DENND6A: variants seen among roughly 807,000 people sequenced by gnomAD.
The protein encoded by DENND6A is DENN domain containing 6A, also known as protein DENND6A.
A neutral mutation model predicts 95.5 loss-of-function variants in DENND6A; 43 were observed. That is an observed-to-expected ratio of 0.45 (90% CI 0.35 to 0.58). DENND6A has a LOEUF of 0.58. DENND6A is among the 20% of genes least tolerant of loss of function. The pLI, the probability that DENND6A is intolerant of heterozygous loss-of-function variation, is 0.00. For synonymous variants in DENND6A, 257 were observed against 260.4 expected (o/e 0.99, Z 0.13); for missense variants, 574 against 736.0 (o/e 0.78, Z 2.55).
chr3:57,661,442 T>C lies in DENND6A; in HGVS notation c.619+4A>G. 1 of 1,559,286 alleles carries C rather than the reference T, an allele frequency of 6.4e-7. No individual in the cohort carries two copies. Among genetic ancestry groups the C allele is most frequent in the African/African-American group, 1.4e-5 (1 of 71,380 alleles). Reference sequence around the variant, plus strand: ...TCCTGCATAAAGGTATATGTTAAACTTACCTGCTTCCAAATAAGGTTCATT... The same window carrying C: ...TCCTGCATAAAGGTATATGTTAAACCTACCTGCTTCCAAATAAGGTTCATT... On this transcript the variant is annotated splice_donor_region_variant and intron_variant, in intron 6 of 19. Transcript: ENST00000311128.
Position 57,691,245 on chromosome 3 carries a change from A to G in DENND6A, c.237+1537T>C, listed in dbSNP as rs758725919. 3.9e-5 allele frequency among the ~76,000 whole-genome samples: 6 copies of G among 152,236 alleles called. No homozygotes were observed. In the South Asian group the frequency reaches 1.2e-3, roughly 32 times the overall value. On this transcript the variant is annotated intron_variant, in intron 1 of 19. Transcript: ENST00000311128. ...ACTTCAGGTTAACATGGCAAGGTGAATAATAAATGGCTTATAAATCTCTTA... is the reference window on the plus strand; with the variant it reads ...ACTTCAGGTTAACATGGCAAGGTGAGTAATAAATGGCTTATAAATCTCTTA...
At chr3:57,653,138 A>G (rs2071245201) in intron 9 of DENND6A, among the ~76,000 whole-genome samples, 1 of 152,212 alleles carries the variant, frequency 6.6e-6, no homozygotes, top group Non-Finnish European at 1.5e-5. Context: ...AGTCTTCTGT[A>G]TTGTACTTAC....
At chr3:57,653,396 T>C (rs1219536939) in intron 9 of DENND6A, among the ~76,000 whole-genome samples, 1 of 152,176 alleles carries the variant, frequency 6.6e-6, no homozygotes, top group Non-Finnish European at 1.5e-5. Flanking sequence ...GTTGTTTTTT[T>C]GGGTGGGAGG....
At chr3:57,637,535 T>A (rs1261869446) in intron 12 of DENND6A, among the ~76,000 whole-genome samples, 1 of 152,132 alleles carries the variant, frequency 6.6e-6, no homozygotes, top group African/African-American at 2.4e-5. Flanking sequence ...CTGCCAGATT[T>A]TTTTTTTCCT....
At chr3:57,670,995 T>A (rs971593467) in intron 3 of DENND6A, among the ~76,000 whole-genome samples, 1 of 152,088 alleles carries the variant, frequency 6.6e-6, no homozygotes, top group Non-Finnish European at 1.5e-5. Flanking sequence ...CATAAATGGG[T>A]CAAAAACACC....
Position 57,645,835 on chromosome 3 carries a change from A to G in DENND6A, c.942-79T>C. 3 of 1,021,146 alleles carry G rather than the reference A, an allele frequency of 2.9e-6. No individual in the cohort carries two copies. The South Asian group carries it at 4.3e-5, about 15-fold the overall frequency. The allele number at this position is 1,021,146 out of a possible 1,614,324, so 63.3% of individuals were successfully genotyped here. ...ATCTATAACTAGAAAACATCTATACAAACGGTATACACACAAAGGGATACT... is the reference window on the plus strand; with the variant it reads ...ATCTATAACTAGAAAACATCTATACGAACGGTATACACACAAAGGGATACT... On this transcript the variant is annotated intron_variant, in intron 10 of 19. Coordinates refer to ENST00000311128, the MANE Select transcript of DENND6A (RefSeq NM_152678.3).
intron 9 of DENND6A, among the ~76,000 whole-genome samples, chr3:57,653,003 T>C (rs1306983413): frequency 6.6e-6 from 1 of 152,218 alleles, no homozygotes; most frequent in Non-Finnish European, 1.5e-5. Flanking sequence ...TATTAACTTA[T>C]CAATGTTGAT....
rs1235456687 is a variant in DENND6A at position 57,646,455 on chromosome 3, A to G, written c.819-17T>C. The G allele has an allele frequency of 2.5e-6, 4 of 1,598,008 alleles. No homozygotes were observed. Among genetic ancestry groups the G allele is most frequent in the South Asian group, 2.3e-5 (2 of 88,138 alleles). ...CAGAAACACCTGAAAGGTGATGCAC[A>G]GTAGAAATACTTTTTAATGTAGCCA... is the stretch of plus-strand genomic sequence containing the variant. On this transcript the variant is annotated splice_polypyrimidine_tract_variant and intron_variant, in intron 9 of 19. Coordinates refer to ENST00000311128, the MANE Select transcript of DENND6A (RefSeq NM_152678.3).
intron 12 of DENND6A, among the ~76,000 whole-genome samples, chr3:57,635,562 A>G (rs1013809993): frequency 6.6e-6 from 1 of 152,222 alleles, no homozygotes; most frequent in African/African-American, 2.4e-5. Flanking sequence ...TCTAGAGATT[A>G]TATTATTATA....
chr3:57,638,431 G>C (rs997076315), intron 12 of DENND6A, among the ~76,000 whole-genome samples: 2 of 151,986 alleles, frequency 1.3e-5, no homozygotes, highest in Non-Finnish European at 2.9e-5. Context: ...GCCAAGGCGG[G>C]TGGATCACCT....
Position 57,692,780 on chromosome 3 carries a change from ACCT to A in DENND6A, c.236_237+1del, listed in dbSNP as rs1377559650. On this transcript the variant is annotated splice_donor_variant and coding_sequence_variant, in exon 1 of 20. Transcript: ENST00000311128. LOFTEE classifies it high-confidence loss of function. ...CCGAGAAAGGGCGGGGCCGGGCCTC[ACCT>A]CCACGGCCTGGCCCAGCTCCAGGTC... 6.6e-7 allele frequency: 1 copy of A among 1,510,486 alleles called. No homozygotes were observed. Among genetic ancestry groups the A allele is most frequent in the East Asian group, 2.8e-5 (1 of 35,716 alleles). 93.6% of individuals were successfully genotyped at this position (1,510,486 alleles called of 1,614,324 possible).
At chr3:57,666,933 T>C (rs567600504) in intron 3 of DENND6A, among the ~76,000 whole-genome samples, 1 of 152,378 alleles carries the variant, frequency 6.6e-6, no homozygotes, top group East Asian at 1.9e-4. Flanking sequence ...AGTTATGCTA[T>C]GAGCACCATA....
rs1028200250 is a variant in DENND6A, at chr3:57,626,527, T to G, written c.*1687A>C. 1 of 152,004 alleles carries G rather than the reference T, an allele frequency of 6.6e-6. No individual in the cohort carries two copies. Among genetic ancestry groups the G allele is most frequent in the East Asian group, 1.9e-4 (1 of 5,190 alleles). The allele number at this position is 152,004 out of a possible 1,614,324, so 9.4% of individuals were successfully genotyped here. On this transcript the variant is annotated 3_prime_UTR_variant, in exon 20 of 20. Coordinates refer to ENST00000311128, the MANE Select transcript of DENND6A (RefSeq NM_152678.3). ...GAGTTTGAGACCAGCCTGACCAACA[T>G]GGAGAAACCCCATCTCTACTAAAAA...
At chr3:57,668,964 C>T (rs1028028773) in intron 3 of DENND6A, among the ~76,000 whole-genome samples, 3 of 152,142 alleles carry the variant, frequency 2.0e-5, no homozygotes, top group African/African-American at 7.2e-5. Flanking sequence ...CCTCAGCATC[C>T]CTGATTCAAG....
intron 1 of DENND6A, among the ~76,000 whole-genome samples, chr3:57,689,314 G>GAA (rs56077522): frequency 0.015 from 1,885 of 128,660 alleles, 44 homozygotes; most frequent in African/African-American, 0.05. Context: ...TATTCACTCA[G>GAA]AAAAAAAAAA....
At chr3:57,683,587 C>G (rs1174897216) in intron 1 of DENND6A, among the ~76,000 whole-genome samples, 1 of 152,162 alleles carries the variant, frequency 6.6e-6, no homozygotes, top group Non-Finnish European at 1.5e-5. Context: ...GCAGTTCATA[C>G]AACTCAGAAA....
chr3:57,680,945 C>G (rs1029129468), intron 1 of DENND6A, among the ~76,000 whole-genome samples: 1 of 151,996 alleles, frequency 6.6e-6, no homozygotes, highest in Non-Finnish European at 1.5e-5. Flanking sequence ...CCCTTAGAAC[C>G]CTCATATATC....
intron 4 of DENND6A, 129 bp from the exon 5 acceptor site, chr3:57,663,845 A>G (rs193263289): frequency 8.9e-5 from 40 of 448,832 alleles, no homozygotes; most frequent in African/African-American, 6.5e-4. Flanking sequence ...GACATGAGAT[A>G]TACACGAAGA....
At chr3:57,663,575 T>G (rs977763453) in intron 5 of DENND6A, 61 bp downstream of exon 5, 2 of 1,240,786 alleles carry the variant, frequency 1.6e-6, no homozygotes, top group Non-Finnish European at 2.2e-6. Flanking sequence ...AATCTAACAC[T>G]TTCTATTTTT....
Sources: allele counts gnomAD v4.1 joint callset (sites outside exome capture counted in the v4.1 genomes callset), GRCh38; gene constraint gnomAD v4.1.1; transcripts MANE v1.5; gene names NCBI Gene and HGNC (gene_info 2026-07-23, HGNC 2026-07-21).